The following BICD1 variants were observed in gnomAD, a reference collection of about 807,000 sequenced individuals.
BICD1 encodes BICD cargo adaptor 1.
Under a neutral mutation model 92.5 loss-of-function variants are expected in BICD1, and 35 were observed. The ratio of observed to expected loss-of-function variants is 0.38; its 90% confidence interval spans 0.29 to 0.50. BICD1 has a LOEUF of 0.50. Ranked by LOEUF, BICD1 falls within the 20% of genes least tolerant of loss-of-function variation. The probability of loss-of-function intolerance (pLI) is 0.93; values close to 1 mark genes in which losing one functional copy is unlikely to be tolerated. For missense variants in BICD1, 950 were observed against 1,189.8 expected (o/e 0.80, Z 2.97); for synonymous variants, 429 against 465.1 (o/e 0.92, Z 1.00).
chr12:32,295,021 G>T (rs1231092019), intron 3 of BICD1, among the ~76,000 whole-genome samples: 1 of 147,242 alleles, frequency 6.8e-6, no homozygotes. Context: ...TGCGGAGGTT[G>T]CAGTGAGCCG....
Position 32,271,653 on chromosome 12 carries a change from C to T in BICD1, c.427-22341C>T, listed in dbSNP as rs565419849. Among the ~76,000 whole-genome samples the T allele has an allele frequency of 4.6e-5, 7 of 152,248 alleles. No individual in the cohort carries two copies. In the East Asian group the frequency reaches 1.2e-3, roughly 25 times the overall value. On this transcript the variant is annotated intron_variant, in intron 2 of 9. Transcript: ENST00000652176. ...GTCATCCTGTTAAGCTTCCCCATACCGTGCCTGTATAAACAATCCTCAAAC... is the reference window on the plus strand; with the variant it reads ...GTCATCCTGTTAAGCTTCCCCATACTGTGCCTGTATAAACAATCCTCAAAC...
intron 1 of BICD1, among the ~76,000 whole-genome samples, chr12:32,135,054 C>T (rs74386005): frequency 0.011 from 1,202 of 106,048 alleles, 31 homozygotes; most frequent in African/African-American, 0.037. Flanking sequence ...CTCCTCCCCT[C>T]CATTCCCCTC....
chr12:32,182,297 T>TC (rs1944300439), intron 1 of BICD1, among the ~76,000 whole-genome samples: 1 of 143,864 alleles, frequency 7.0e-6, no homozygotes, highest in Non-Finnish European at 1.5e-5. Flanking sequence ...TTTTTTTTTT[T>TC]TTTGAGACAC....
intron 1 of BICD1, among the ~76,000 whole-genome samples, chr12:32,109,836 A>G (rs1941622566): frequency 6.6e-6 from 1 of 152,144 alleles, no homozygotes; most frequent in South Asian, 2.1e-4. Context: ...TCTTGTATGA[A>G]AAGTAAATCC....
intron 3 of BICD1, among the ~76,000 whole-genome samples, chr12:32,294,445 GACA>G (rs567012703): frequency 1.4e-4 from 22 of 151,766 alleles, no homozygotes; most frequent in Non-Finnish European, 2.9e-4. Context: ...AATTTAACCT[GACA>G]ACTTCTCATT....
intron 1 of BICD1, among the ~76,000 whole-genome samples, chr12:32,118,460 C>A (rs1050635363): frequency 1.3e-5 from 2 of 152,016 alleles, no homozygotes; most frequent in Non-Finnish European, 2.9e-5. Flanking sequence ...GATTCTGCAT[C>A]CTTGGATTGA....
chr12:32,300,414 T>A (rs968560735), intron 3 of BICD1, among the ~76,000 whole-genome samples: 3 of 151,782 alleles, frequency 2.0e-5, no homozygotes, highest in African/African-American at 7.3e-5. Context: ...GGACATACTA[T>A]TATTGGACAA....
intron 3 of BICD1, among the ~76,000 whole-genome samples, chr12:32,295,063 C>T (rs1947828336): frequency 7.9e-6 from 1 of 126,752 alleles, no homozygotes; most frequent in South Asian, 2.5e-4. Flanking sequence ...GCCTGGGTGA[C>T]AGAGTGAGAT....
At chr12:32,318,141 A>G (rs977849803) in intron 4 of BICD1, among the ~76,000 whole-genome samples, 15 of 152,132 alleles carry the variant, frequency 9.9e-5, no homozygotes, top group African/African-American at 3.1e-4. Flanking sequence ...GAAGTCAGGT[A>G]GCCTGATGCC....
At chr12:32,158,764 T>A (rs1345492499) in intron 1 of BICD1, among the ~76,000 whole-genome samples, 1 of 152,206 alleles carries the variant, frequency 6.6e-6, no homozygotes, top group Non-Finnish European at 1.5e-5. Context: ...TTCCCACCTC[T>A]CCATCTCCAT....
chr12:32,219,862 C>T (rs957670986), intron 2 of BICD1, among the ~76,000 whole-genome samples: 2 of 151,992 alleles, frequency 1.3e-5, no homozygotes, highest in African/African-American at 2.4e-5. Context: ...GCTACAGTAA[C>T]CAAAACAGCA....
intron 2 of BICD1, among the ~76,000 whole-genome samples, chr12:32,287,543 G>T (rs201316399): frequency 0.12 from 16,466 of 135,384 alleles, 1,051 homozygotes; most frequent in East Asian, 0.2. Flanking sequence ...TTTTTTTTTT[G>T]TTTTTTTTTT....
At chr12:32,317,080 C>G (rs1243665896) in intron 4 of BICD1, among the ~76,000 whole-genome samples, 3 of 152,162 alleles carry the variant, frequency 2.0e-5, no homozygotes, top group Admixed American at 6.5e-5. Flanking sequence ...TGTATATGTG[C>G]CACATTTTCT....
intron 9 of BICD1, among the ~76,000 whole-genome samples, chr12:32,369,487 T>G (rs1411053232): frequency 6.6e-6 from 1 of 152,266 alleles, no homozygotes; most frequent in Non-Finnish European, 1.5e-5. Flanking sequence ...CCAGGGGACC[T>G]GGGGTGCCAC....
At chr12:32,186,395 T>C (rs1944424255) in intron 1 of BICD1, among the ~76,000 whole-genome samples, 1 of 152,246 alleles carries the variant, frequency 6.6e-6, no homozygotes. Context: ...ATGTGGGTAG[T>C]GGCCACCGTA....
chr12:32,262,570 G>C (rs1361825614), intron 2 of BICD1, among the ~76,000 whole-genome samples: 1 of 152,184 alleles, frequency 6.6e-6, no homozygotes, highest in East Asian at 1.9e-4. Flanking sequence ...TTGGAATAAG[G>C]GTCTTTGCCA....
At position 32,328,193 on chromosome 12, in the gene BICD1, C is replaced by G; in HGVS notation, c.1738C>G (p.Pro580Ala). 6.2e-7 allele frequency: 1 copy of G among 1,614,158 alleles called. No homozygotes were observed. Among genetic ancestry groups the G allele is most frequent in the Non-Finnish European group, 8.5e-7 (1 of 1,180,036 alleles). ...GGTAGAAACAAGGACCTCATCTGAACCAGTTGCAAAAGAAAGCACAGAGGC... is the reference window on the plus strand; with the variant it reads ...GGTAGAAACAAGGACCTCATCTGAAGCAGTTGCAAAAGAAAGCACAGAGGC... ...SPVETRTSSEPVAKESTEASK... is the reference protein window; with the variant it reads ...SPVETRTSSEAVAKESTEASK... Residue 580 changes from proline (P) to alanine (A), a missense_variant, in exon 5 of 10, where the codon CCA becomes GCA. Coordinates refer to ENST00000652176, the MANE Select transcript of BICD1 (RefSeq NM_001714.4). The surrounding 1 kb of genome is among the most constrained non-coding windows in gnomAD (Gnocchi z 4.4).
chr12:32,136,368 A>G (rs1942733886), intron 1 of BICD1, among the ~76,000 whole-genome samples: 1 of 152,240 alleles, frequency 6.6e-6, no homozygotes, highest in African/African-American at 2.4e-5. Flanking sequence ...CCAAACCAGA[A>G]GCAAAAAGGA....
chr12:32,296,674 C>T (rs540704850), intron 3 of BICD1, among the ~76,000 whole-genome samples: 2 of 152,278 alleles, frequency 1.3e-5, no homozygotes, highest in African/African-American at 4.8e-5. Flanking sequence ...CCGATTCCTA[C>T]ACTCCTCACT....
Sources: gnomAD v4.1 joint callset for allele counts (sites outside exome capture counted in the v4.1 genomes callset) on GRCh38, gnomAD v4.1.1 for gene constraint, Gnocchi (gnomAD v3.1) non-coding constraint, MANE v1.5 for transcripts, NCBI Gene and HGNC (gene_info 2026-07-23, HGNC 2026-07-21) for gene names.